EPM2A: variants seen among roughly 807,000 people sequenced by gnomAD.
EPM2A encodes EPM2A glucan phosphatase, laforin.
A neutral mutation model predicts 26.5 loss-of-function variants in EPM2A; 21 were observed. The ratio of observed to expected loss-of-function variants is 0.79; its 90% CI spans 0.56 to 1.14. The LOEUF is 1.14. EPM2A is among the 50% of genes most tolerant of loss of function. The probability of loss-of-function intolerance (pLI) is 0.00; values close to 1 mark genes in which losing one functional copy is unlikely to be tolerated. For synonymous variants in EPM2A, 217 were observed against 177.6 expected (o/e 1.22, Z -1.76); for missense variants, 458 against 440.8 (o/e 1.04, Z -0.35).
chr6:145,678,253 C>G (rs1360561179), intron 2 of EPM2A, among the ~76,000 whole-genome samples: 2 of 149,918 alleles, frequency 1.3e-5, no homozygotes, highest in African/African-American at 4.9e-5. Context: ...TGGATCCCGT[C>G]CTTACACATT....
intron 2 of EPM2A, among the ~76,000 whole-genome samples, chr6:145,524,546 CAT>C (rs777172028): frequency 2.6e-5 from 4 of 152,062 alleles, no homozygotes; most frequent in Admixed American, 6.6e-5. Flanking sequence ...AGCATTTTTT[CAT>C]ATGTTTGTTG....
chr6:145,602,503 C>T (rs1474415516), intron 2 of EPM2A, among the ~76,000 whole-genome samples: 4 of 152,198 alleles, frequency 2.6e-5, no homozygotes, highest in Non-Finnish European at 5.9e-5. Flanking sequence ...GGTGCCCCTA[C>T]AAGACATATT....
intron 4 of EPM2A, among the ~76,000 whole-genome samples, chr6:145,416,283 CACA>C (rs1233324670): frequency 6.8e-6 from 1 of 147,728 alleles, no homozygotes; most frequent in Non-Finnish European, 1.5e-5. Context: ...TTGTCATTAA[CACA>C]ACAATTTTCT....
chr6:145,505,626 C>G, intron 2 of EPM2A, among the ~76,000 whole-genome samples: 1 of 151,954 alleles, frequency 6.6e-6, no homozygotes. Context: ...AACAAAAAAC[C>G]CTACACTTAT....
chr6:145,649,202 C>T (rs1385441596), intron 2 of EPM2A, among the ~76,000 whole-genome samples: 1 of 152,150 alleles, frequency 6.6e-6, no homozygotes, highest in Non-Finnish European at 1.5e-5. Flanking sequence ...GAAGGTGGCT[C>T]AGAGCTGGAG....
intron 2 of EPM2A, among the ~76,000 whole-genome samples, chr6:145,663,265 C>T (rs539110868): frequency 2.9e-4 from 44 of 152,236 alleles, no homozygotes; most frequent in African/African-American, 9.1e-4. Context: ...ACTAAGATGG[C>T]CGAATAGGAA....
At chr6:145,515,875 C>A (rs1294999580) in intron 2 of EPM2A, among the ~76,000 whole-genome samples, 1 of 152,168 alleles carries the variant, frequency 6.6e-6, no homozygotes, top group Non-Finnish European at 1.5e-5. Flanking sequence ...ACAGTGTATT[C>A]TCTTCTTAGC....
intron 4 of EPM2A, among the ~76,000 whole-genome samples, chr6:145,492,859 C>T (rs1779772425): frequency 6.6e-6 from 1 of 152,140 alleles, no homozygotes; most frequent in African/African-American, 2.4e-5. Context: ...GGATTGGGGG[C>T]AGGGCAGGCC....
At chr6:145,714,284 T>C (rs556693296) in intron 1 of EPM2A, among the ~76,000 whole-genome samples, 1 of 152,372 alleles carries the variant, frequency 6.6e-6, no homozygotes, top group South Asian at 2.1e-4. Context: ...TATTTGCATA[T>C]AACATACACA....
At chr6:145,695,618 T>C (rs1781528441) in intron 1 of EPM2A, among the ~76,000 whole-genome samples, 1 of 151,826 alleles carries the variant, frequency 6.6e-6, no homozygotes, top group African/African-American at 2.4e-5. Flanking sequence ...TCCATGCAAA[T>C]GGAAGCCAAA....
At chr6:145,620,644 T>C (rs1295938395), downstream of EPM2A, among the ~76,000 whole-genome samples, 1 of 152,248 alleles carries the variant, frequency 6.6e-6, no homozygotes, top group Non-Finnish European at 1.5e-5. Flanking sequence ...TGATAAAGTC[T>C]TGATAAGTAT....
At chr6:145,622,514 A>G (rs1339290311), downstream of EPM2A, among the ~76,000 whole-genome samples, 2 of 152,324 alleles carry the variant, frequency 1.3e-5, no homozygotes, top group East Asian at 1.9e-4. Context: ...ATTAGTTAAG[A>G]AGAGGCCATA....
intron 2 of EPM2A, among the ~76,000 whole-genome samples, chr6:145,510,268 C>T (rs1780036796): frequency 2.0e-5 from 3 of 152,130 alleles, no homozygotes; most frequent in African/African-American, 7.2e-5. Flanking sequence ...GAATACTGCA[C>T]CCAACAACCA....
intron 2 of EPM2A, among the ~76,000 whole-genome samples, chr6:145,545,962 CCTT>C (rs1780578272): frequency 6.6e-6 from 1 of 152,128 alleles, no homozygotes; most frequent in African/African-American, 2.4e-5. Context: ...TCTCTGAATG[CCTT>C]CTAATTCTCC....
At chr6:145,705,941 G>C (rs1279214813) in intron 1 of EPM2A, 2 of 456,738 alleles carry the variant, frequency 4.4e-6, no homozygotes, top group Admixed American at 2.4e-5. Context: ...GGAAGAAAGA[G>C]ATCAGATCTC....
At chr6:145,385,288 G>T (rs916151968) in intron 4 of EPM2A, among the ~76,000 whole-genome samples, 1 of 127,308 alleles carries the variant, frequency 7.9e-6, no homozygotes, top group East Asian at 2.1e-4. Flanking sequence ...AAGATGATCT[G>T]CTTTTTGACT....
intron 2 of EPM2A, among the ~76,000 whole-genome samples, chr6:145,614,961 G>A (rs137874691): frequency 1.3e-5 from 2 of 152,192 alleles, no homozygotes; most frequent in African/African-American, 2.4e-5. Context: ...CAGTATCTGT[G>A]AAGCACAATA....
At chr6:145,715,415 C>T (rs1775561076) in intron 1 of EPM2A, among the ~76,000 whole-genome samples, 1 of 152,196 alleles carries the variant, frequency 6.6e-6, no homozygotes. Flanking sequence ...GAAGAACATG[C>T]AGACTCTGCA....
At chr6:145,708,961 G>A (rs1468665263) in intron 1 of EPM2A, among the ~76,000 whole-genome samples, 1 of 152,208 alleles carries the variant, frequency 6.6e-6, no homozygotes, top group Admixed American at 6.5e-5. Context: ...GATCATTTTG[G>A]AACTTTAAGG....
Sources: allele counts gnomAD v4.1 joint callset (sites outside exome capture counted in the v4.1 genomes callset), GRCh38; gene constraint gnomAD v4.1.1; transcripts MANE v1.5; gene names NCBI Gene and HGNC (gene_info 2026-07-23, HGNC 2026-07-21).